VPS26A: variants seen among roughly 807,000 people sequenced by gnomAD.
VPS26A encodes vacuolar protein sorting-associated protein 26A.
Under a neutral mutation model 42.4 loss-of-function variants are expected in VPS26A, and 22 were observed. The ratio of observed to expected loss-of-function variants is 0.52; its 90% CI spans 0.37 to 0.74. VPS26A has a LOEUF of 0.74. Ranked by LOEUF, VPS26A falls within the 30% of genes least tolerant of loss-of-function variation. The probability of loss-of-function intolerance (pLI) is 0.00; values close to 1 mark genes in which losing one functional copy is unlikely to be tolerated. For missense variants in VPS26A, 276 were observed against 379.2 expected (o/e 0.73, Z 2.26); for synonymous variants, 110 against 123.5 (o/e 0.89, Z 0.73).
chr10:69,140,552 T>TTA (rs1564676407), intron 2 of VPS26A, among the ~76,000 whole-genome samples: 2 of 151,488 alleles, frequency 1.3e-5, no homozygotes, highest in Admixed American at 6.6e-5. Context: ...TATTATTATT[T>TTA]TTGGTATTTT....
Position 69,163,763 on chromosome 10 carries a change from TTTC to T in VPS26A, c.658+1254_658+1256del, listed in dbSNP as rs139133492. On this transcript the variant is annotated intron_variant, in intron 6 of 8. Transcript: ENST00000263559. ...TTCCATTATAGTTTTAATTTTCAGT[TTTC>T]TTTTTTTTTTTTTTTTTGAGACGGA... 9.8e-3 allele frequency among the ~76,000 whole-genome samples: 1,452 copies of T among 148,442 alleles called. 7 individuals are homozygous for T. Among genetic ancestry groups the T allele is most frequent in the Middle Eastern group, 0.024 (7 of 292 alleles).
chr10:69,154,665 C>A (rs139998084), intron 2 of VPS26A, among the ~76,000 whole-genome samples: 23 of 152,212 alleles, frequency 1.5e-4, no homozygotes, highest in Middle Eastern at 3.4e-3. Flanking sequence ...GAGTTTGAGA[C>A]CAGCTTGGGC....
At chr10:69,134,218 A>G (rs1364054690) in intron 2 of VPS26A, among the ~76,000 whole-genome samples, 1 of 152,136 alleles carries the variant, frequency 6.6e-6, no homozygotes, top group Non-Finnish European at 1.5e-5. Context: ...TAAAATTTGG[A>G]TGTGCTTCCT....
At chr10:69,131,038 C>T (rs1281722342) in intron 1 of VPS26A, among the ~76,000 whole-genome samples, 3 of 152,074 alleles carry the variant, frequency 2.0e-5, no homozygotes, top group Admixed American at 6.6e-5. Flanking sequence ...CGGGCTAGAG[C>T]GCAGTGGTGC....
intron 6 of VPS26A, among the ~76,000 whole-genome samples, chr10:69,164,555 C>T (rs925273457): frequency 3.3e-5 from 5 of 152,056 alleles, no homozygotes; most frequent in South Asian, 2.1e-4. Context: ...AAATTTCCCT[C>T]GTTTGTCTTG....
At chr10:69,154,518 A>C (rs757354852) in intron 2 of VPS26A, among the ~76,000 whole-genome samples, 1 of 152,048 alleles carries the variant, frequency 6.6e-6, no homozygotes, top group Non-Finnish European at 1.5e-5. Flanking sequence ...CCTGGGCAAC[A>C]AGAGCGAAAC....
In VPS26A at chr10:69,146,219, C is replaced by G. The variant is rs541558087; in HGVS notation, c.154-9593C>G. ...AAGCAATTCTCTTGCCTCAGCCTTC[C>G]GAGTAGCTGGGATTACAGGTGCCTG... On this transcript the variant is annotated intron_variant, in intron 2 of 8. Coordinates refer to ENST00000263559, the MANE Select transcript of VPS26A (RefSeq NM_004896.5). 1.3e-5 allele frequency among the ~76,000 whole-genome samples: 2 copies of G among 152,050 alleles called. 1 individual carries two copies. Among genetic ancestry groups the G allele is most frequent in the South Asian group, 4.2e-4 (2 of 4,818 alleles).
At chr10:69,136,129 C>T (rs975216558) in intron 2 of VPS26A, among the ~76,000 whole-genome samples, 5 of 152,114 alleles carry the variant, frequency 3.3e-5, no homozygotes, top group African/African-American at 7.2e-5. Flanking sequence ...CAGTTATTGC[C>T]TATCAGTTGG....
In VPS26A at chr10:69,168,422, A is replaced by C. The variant is rs1841740855; in HGVS notation, c.728-67A>C. The stretch of plus-strand genomic sequence containing the variant: ...CATTAGTGTCAACTCTATAGTGCTT[A>C]GTCCTACCTGTTATGTGACTATATT... On this transcript the variant is annotated intron_variant, in intron 7 of 8. Transcript: ENST00000263559. 9 of 1,526,646 alleles carry C rather than the reference A, an allele frequency of 5.9e-6. No homozygotes were observed. In the Admixed American group the frequency reaches 1.5e-4, roughly 26 times the overall value. The allele number at this position is 1,526,646 out of a possible 1,614,324, so 94.6% of individuals were successfully genotyped here.
chr10:69,168,441 CTATATT>C, intron 7 of VPS26A, 42 bp from the exon 8 acceptor site: 1 of 1,582,846 alleles, frequency 6.3e-7, no homozygotes, highest in South Asian at 1.1e-5. Context: ...TGTTATGTGA[CTATATT>C]TAATCATCTT....
chr10:69,162,344 T>G, intron 5 of VPS26A, 62 bp from the exon 6 acceptor site: 2 of 848,556 alleles, frequency 2.4e-6, no homozygotes, highest in Non-Finnish European at 3.7e-6. Context: ...TTTTAGGACA[T>G]AGTTCACTGT....
At chr10:69,128,047 G>A (rs915199022) in intron 1 of VPS26A, among the ~76,000 whole-genome samples, 6 of 150,676 alleles carry the variant, frequency 4.0e-5, no homozygotes, top group Admixed American at 1.3e-4. Flanking sequence ...AATAATAGAG[G>A]ATAGCACGTA....
intron 2 of VPS26A, among the ~76,000 whole-genome samples, chr10:69,137,215 C>G (rs1301983855): frequency 2.0e-5 from 3 of 151,990 alleles, no homozygotes; most frequent in Non-Finnish European, 4.4e-5. Flanking sequence ...TAAATATTGC[C>G]CTATTGAAGC....
At position 69,173,574 on chromosome 10, in the gene VPS26A, G is replaced by T. The variant is rs911470239; in HGVS notation, c.*2305G>T. On this transcript the variant is annotated 3_prime_UTR_variant, in exon 9 of 9. Coordinates refer to ENST00000263559, the MANE Select transcript of VPS26A (RefSeq NM_004896.5). ...GAAGCCAGCTGGACTTCTGAGTTGCGTGGGGACTTGGAGAACTTTTCTGTC... is the reference window on the plus strand; with the variant it reads ...GAAGCCAGCTGGACTTCTGAGTTGCTTGGGGACTTGGAGAACTTTTCTGTC... Among the ~76,000 whole-genome samples the T allele has an allele frequency of 1.3e-5, 2 of 152,222 alleles. No individual in the cohort carries two copies. Among genetic ancestry groups the T allele is most frequent in the African/African-American group, 2.4e-5 (1 of 41,454 alleles).
Position 69,151,264 on chromosome 10 carries a change from C to CAAAAAAAAA in VPS26A, c.154-4537_154-4529dup, listed in dbSNP as rs1192297497. ...TGGGCAACAGAGTGAGACTCCATGT[C>CAAAAAAAAA]AAAAAAAAAAAAAAAAAAACACACA... is the stretch of plus-strand genomic sequence containing the variant. On this transcript the variant is annotated intron_variant, in intron 2 of 8. Transcript: ENST00000263559. Among the ~76,000 whole-genome samples, 36 of 30,378 alleles carry CAAAAAAAAA rather than the reference C, an allele frequency of 1.2e-3. 2 individuals carry two copies. The highest frequency in any genetic ancestry group is 4.0e-3 in the African/African-American group (34 of 8,434). 19.9% of individuals were successfully genotyped at this position (30,378 alleles called of 152,430 possible).
At chr10:69,158,832 T>C (rs1017370854) in intron 5 of VPS26A, among the ~76,000 whole-genome samples, 4 of 152,180 alleles carry the variant, frequency 2.6e-5, no homozygotes, top group Admixed American at 6.6e-5. Context: ...ATAGGTTATA[T>C]TGAAGCAAAT....
At chr10:69,155,689 G>A (rs1841417813) in intron 2 of VPS26A, 123 bp from the exon 3 acceptor site, 3 of 726,486 alleles carry the variant, frequency 4.1e-6, no homozygotes, top group African/African-American at 3.6e-5. Flanking sequence ...GGTATGTGGT[G>A]GTGTCTCAAA....
At chr10:69,131,249 G>C (rs1001167445) in intron 1 of VPS26A, among the ~76,000 whole-genome samples, 1 of 152,084 alleles carries the variant, frequency 6.6e-6, no homozygotes, top group African/African-American at 2.4e-5. Flanking sequence ...GAAAGTGCTG[G>C]GATTACAAGT....
chr10:69,153,542 G>A (rs1841367798), intron 2 of VPS26A, among the ~76,000 whole-genome samples: 1 of 148,380 alleles, frequency 6.7e-6, no homozygotes, highest in Middle Eastern at 3.3e-3. Flanking sequence ...TAGAGACGGA[G>A]CCTTGCTATA....
Sources: gnomAD v4.1 joint callset for allele counts (sites outside exome capture counted in the v4.1 genomes callset) on GRCh38, gnomAD v4.1.1 for gene constraint, MANE v1.5 for transcripts, NCBI Gene and HGNC (gene_info 2026-07-23, HGNC 2026-07-21) for gene names.